ASH1L: variants seen among roughly 807,000 people sequenced by gnomAD.
ASH1L encodes ASH1 like histone lysine methyltransferase.
A neutral mutation model predicts 269.0 loss-of-function variants in ASH1L; 23 were observed. The observed-to-expected ratio is 0.09, with a 90% CI of 0.06 to 0.12. ASH1L has a LOEUF of 0.12. ASH1L is among the 10% of genes least tolerant of loss of function. The pLI is 1.00. For synonymous variants in ASH1L, 1,187 were observed against 1,253.5 expected (o/e 0.95, Z 1.12); for missense variants, 2,912 against 3,567.8 (o/e 0.82, Z 4.68).
At chr1:155,487,607 G>C (rs545958877) in intron 2 of ASH1L, among the ~76,000 whole-genome samples, 4 of 152,000 alleles carry the variant, frequency 2.6e-5, no homozygotes, top group Admixed American at 2.6e-4. Flanking sequence ...GGCTAATCTC[G>C]AACTCCGGGG....
intron 6 of ASH1L, among the ~76,000 whole-genome samples, chr1:155,411,846 G>A (rs1659837809): frequency 1.3e-5 from 2 of 151,300 alleles, no homozygotes; most frequent in Admixed American, 6.6e-5. Flanking sequence ...GACACAGAGA[G>A]GCCAAGAAGT....
At position 155,399,504 on chromosome 1, in the gene ASH1L, G is replaced by A. The variant is rs562425674; in HGVS notation, c.6009-3951C>T. On this transcript the variant is annotated intron_variant, in intron 6 of 27. Coordinates refer to ENST00000392403, the MANE Select transcript of ASH1L (RefSeq NM_018489.3). ...CTAAAAATACAAAAATTAGCTAGGC[G>A]TGGTGGCACCTGTAATTTCAGCTAC... 2.6e-5 allele frequency among the ~76,000 whole-genome samples: 4 copies of A among 152,128 alleles called. No individual in the cohort carries two copies. In the East Asian group the frequency reaches 7.7e-4, roughly 29 times the overall value.
In ASH1L at chr1:155,477,896, C is replaced by A. The variant is rs1288736852; in HGVS notation, c.4974G>T (p.Gln1658His). The A allele has an allele frequency of 6.2e-7, 1 of 1,604,618 alleles. No individual in the cohort carries two copies. The highest frequency in any genetic ancestry group is 1.3e-5 in the African/African-American group (1 of 74,650). Residue 1658 changes from glutamine to histidine, a missense_variant, in exon 3 of 28, where the codon CAG becomes CAT. By Grantham distance (24) the Gln-to-His change is conservative. Transcript: ENST00000392403. ...AAATAACCCTCTTACCTGCCAAAGTCTGTACTGCCCTTTCGTTAGAAGGCA... is the reference window on the plus strand; with the variant it reads ...AAATAACCCTCTTACCTGCCAAAGTATGTACTGCCCTTTCGTTAGAAGGCA... ...ESLPSNERAV[Q>H]TLAGSQPTSD...
chr1:155,424,193 G>A (rs926134252), intron 5 of ASH1L, among the ~76,000 whole-genome samples: 1 of 152,020 alleles, frequency 6.6e-6, no homozygotes, highest in African/African-American at 2.4e-5. Context: ...GGTCATTCAA[G>A]GTTTATGGAA....
At position 155,540,968 on chromosome 1, in the gene ASH1L, T is replaced by C. The variant is rs190267457; in HGVS notation, c.-99-19350A>G. On this transcript the variant is annotated intron_variant, in intron 1 of 27. Transcript: ENST00000392403. ...CTTTCCATCTTAGTTTAAAAGTCAT[T>C]CCCTCGGGGAGACATTTCCTATTCC... 1.4e-3 allele frequency among the ~76,000 whole-genome samples: 205 copies of C among 151,376 alleles called. 1 individual carries two copies. Among genetic ancestry groups the C allele is most frequent in the African/African-American group, 4.8e-3 (197 of 41,222 alleles).
chr1:155,497,954 G>A (rs899730219), intron 2 of ASH1L, among the ~76,000 whole-genome samples: 74 of 151,934 alleles, frequency 4.9e-4, no homozygotes, highest in African/African-American at 1.7e-3. Flanking sequence ...GGGTTTCACC[G>A]TGTTAGCCAG....
At chr1:155,520,964 T>C (rs1296101211) in intron 2 of ASH1L, 136 bp downstream of exon 2, 9 of 895,352 alleles carry the variant, frequency 1.0e-5, no homozygotes, top group Middle Eastern at 3.4e-4. Context: ...GGGCTTATTT[T>C]AAGGCTCACA....
intron 3 of ASH1L, among the ~76,000 whole-genome samples, chr1:155,471,465 A>G (rs1665094377): frequency 6.6e-6 from 1 of 152,204 alleles, no homozygotes; most frequent in African/African-American, 2.4e-5. Context: ...CAATGATCTA[A>G]TCAATCCGGC....
chr1:155,433,528 C>T (rs771331473), intron 5 of ASH1L: 31 of 1,609,812 alleles, frequency 1.9e-5, no homozygotes, highest in Admixed American at 5.1e-5. Flanking sequence ...AGCCCTGCAC[C>T]GTCCCCCCTG....
chr1:155,380,157 T>C, intron 7 of ASH1L, 41 bp from the exon 8 acceptor site: 5 of 1,471,662 alleles, frequency 3.4e-6, no homozygotes, highest in Non-Finnish European at 4.8e-6. Context: ...CCTTTTCTAA[T>C]ATTTGCTTAT....
At chr1:155,340,561 G>A (rs111716496) in intron 25 of ASH1L, among the ~76,000 whole-genome samples, 19 of 152,204 alleles carry the variant, frequency 1.2e-4, no homozygotes, top group Non-Finnish European at 2.2e-4. Context: ...CAAAGATGAG[G>A]AGCTCAGCCA....
At chr1:155,551,820 A>C (rs1411123464) in intron 1 of ASH1L, among the ~76,000 whole-genome samples, 13 of 127,212 alleles carry the variant, frequency 1.0e-4, no homozygotes, top group South Asian at 5.2e-4. Flanking sequence ...ATAAAAAAAA[A>C]AAAAAATTAG....
chr1:155,447,575 AGAT>A (rs895795549), intron 4 of ASH1L, among the ~76,000 whole-genome samples: 2 of 152,160 alleles, frequency 1.3e-5, no homozygotes, highest in Non-Finnish European at 2.9e-5. Flanking sequence ...ACCTGGGGTG[AGAT>A]GATATCTCAT....
chr1:155,397,142 A>G (rs1298990199), intron 6 of ASH1L, among the ~76,000 whole-genome samples: 4 of 151,642 alleles, frequency 2.6e-5, no homozygotes, highest in Non-Finnish European at 4.4e-5. Context: ...GAAAAAAAAA[A>G]AAAAAAAGCA....
intron 15 of ASH1L, among the ~76,000 whole-genome samples, chr1:155,356,689 C>A (rs964286739): frequency 3.3e-5 from 5 of 151,514 alleles, no homozygotes; most frequent in African/African-American, 1.2e-4. Context: ...TCCATGTTGC[C>A]GAAGATGGTC....
chr1:155,509,238 G>C (rs925190618), intron 2 of ASH1L, among the ~76,000 whole-genome samples: 1 of 152,112 alleles, frequency 6.6e-6, no homozygotes, highest in African/African-American at 2.4e-5. Context: ...CTAATGATTT[G>C]CCAGGCTGGG....
At chr1:155,530,776 G>A (rs1410472073) in intron 1 of ASH1L, among the ~76,000 whole-genome samples, 1 of 151,816 alleles carries the variant, frequency 6.6e-6, no homozygotes, top group East Asian at 1.9e-4. Context: ...GCTGGGCATG[G>A]TGGCACGTGC....
intron 1 of ASH1L, among the ~76,000 whole-genome samples, chr1:155,553,333 A>C (rs1671343947): frequency 6.6e-6 from 1 of 152,234 alleles, no homozygotes; most frequent in South Asian, 2.1e-4. Flanking sequence ...TATTTTATTG[A>C]CATTAATCTT....
intron 13 of ASH1L, chr1:155,358,736 CTGTT>C (rs890378572): frequency 1.3e-5 from 2 of 151,360 alleles, no homozygotes; most frequent in South Asian, 2.1e-4. Context: ...CTTCAGTAAT[CTGTT>C]TGTCATCCTT....
Sources: allele counts gnomAD v4.1 joint callset (sites outside exome capture counted in the v4.1 genomes callset), GRCh38; gene constraint gnomAD v4.1.1; transcripts MANE v1.5; gene names NCBI Gene and HGNC (gene_info 2026-07-23, HGNC 2026-07-21).